NFAT5: variants seen among roughly 807,000 people sequenced by gnomAD.
NFAT5 encodes the protein nuclear factor of activated T-cells 5.
A neutral mutation model predicts 166.5 loss-of-function variants in NFAT5; 31 were observed. The observed-to-expected ratio is 0.19, with a 90% CI of 0.14 to 0.25. The LOEUF is 0.25. NFAT5 is among the 10% of genes least tolerant of loss of function. NFAT5 has a pLI of 1.00. For synonymous variants in NFAT5, 612 were observed against 639.7 expected, an observed-to-expected ratio of 0.96 and a Z score of 0.65; for missense variants, 1,449 against 1,821.8, an observed-to-expected ratio of 0.80 and a Z score of 3.72.
At chr16:69,632,435 C>T (rs1238487542) in intron 3 of NFAT5, 2 of 152,070 alleles carry the variant, frequency 1.3e-5, no homozygotes, top group East Asian at 1.9e-4. Context: ...ATTAGGGAAA[C>T]GCAAGATCCT....
chr16:69,652,119 T>C (rs2035695233), intron 4 of NFAT5, among the ~76,000 whole-genome samples: 1 of 152,204 alleles, frequency 6.6e-6, no homozygotes, highest in African/African-American at 2.4e-5. Context: ...GCATTCCACA[T>C]AGCAAATGCA....
At chr16:69,580,421 C>G (rs2031596807) in intron 2 of NFAT5, among the ~76,000 whole-genome samples, 1 of 151,404 alleles carries the variant, frequency 6.6e-6, no homozygotes, top group African/African-American at 2.4e-5. Context: ...GTCCCAGCTA[C>G]TCAGGAGGCT....
chr16:69,645,461 T>C (rs1400147107), intron 3 of NFAT5, among the ~76,000 whole-genome samples: 2 of 152,236 alleles, frequency 1.3e-5, no homozygotes, highest in Non-Finnish European at 2.9e-5. Context: ...TATTAATTAC[T>C]GTGCTTTTTA....
chr16:69,576,291 CAAAAAA>C (rs35557444), intron 2 of NFAT5, among the ~76,000 whole-genome samples: 2 of 55,282 alleles, frequency 3.6e-5, no homozygotes, highest in Admixed American at 2.0e-4. Context: ...GACTCGGTCT[CAAAAAA>C]AAAAAAAAAA....
intron 10 of NFAT5, among the ~76,000 whole-genome samples, chr16:69,682,843 G>T (rs774161521): frequency 6.6e-6 from 1 of 152,240 alleles, no homozygotes; most frequent in South Asian, 2.1e-4. Context: ...CTCAGGAGAT[G>T]TGTACAGATT....
In NFAT5 at chr16:69,566,259, C is replaced by T. The variant is rs544679513; in HGVS notation, c.-43C>T. On this transcript the variant is annotated 5_prime_UTR_variant, in exon 1 of 15. Transcript: ENST00000349945. The surrounding 1 kb of genome is among the most constrained non-coding windows in gnomAD (Gnocchi z 5.7). ...AGGAGGTGCCGCCGCCACCGCCGCT[C>T]CCCCCCTCCCGCTGCCCTCGGGCCG... 1 of 1,559,794 alleles carries T rather than the reference C, an allele frequency of 6.4e-7. No individual in the cohort carries two copies. The highest frequency in any genetic ancestry group is 1.9e-5 in the Admixed American group (1 of 53,724).
chr16:69,688,228 C>CAAAAAAAAAAA (rs2037406802), intron 11 of NFAT5, among the ~76,000 whole-genome samples: 6 of 102,404 alleles, frequency 5.9e-5, no homozygotes, highest in African/African-American at 2.6e-4. Context: ...AAAAAAAAAC[C>CAAAAAAAAAAA]AGGAGTTTGA....
chr16:69,687,842 C>G (rs1043694918), intron 11 of NFAT5, among the ~76,000 whole-genome samples: 9 of 152,142 alleles, frequency 5.9e-5, no homozygotes, highest in African/African-American at 2.2e-4. Context: ...AAGCCAGGTA[C>G]AGTGGCTAGT....
At chr16:69,584,589 C>T (rs779987354) in intron 2 of NFAT5, among the ~76,000 whole-genome samples, 2 of 151,800 alleles carry the variant, frequency 1.3e-5, no homozygotes, top group Admixed American at 6.6e-5. Context: ...CTCGGCCTCC[C>T]TCGGTCTTGC....
Position 69,695,280 on chromosome 16 carries a change from C to T in NFAT5, c.4559C>T (p.Ala1520Val). 6.2e-7 allele frequency: 1 copy of T among 1,614,166 alleles called. No homozygotes were observed. The highest frequency in any genetic ancestry group is 1.1e-5 in the South Asian group (1 of 91,086). ...SQQMPENSPLASSINTNQNIE... is the reference protein window; with the variant it reads ...SQQMPENSPLVSSINTNQNIE... ...CAAATGCCAGAGAATTCTCCACTGG[C>T]ATCCTCTATAAACACCAACCAGAAC... The change falls in exon 14 of 15, where the codon GCA becomes GTA. Residue 1520 changes from alanine (A) to valine (V), a missense_variant. Ala to Val is a moderately conservative substitution (Grantham distance 64). Coordinates refer to ENST00000349945, the MANE Select transcript of NFAT5 (RefSeq NM_138713.4).
rs537201266 is a variant in NFAT5 at position 69,606,003 on chromosome 16, G to A, written c.128-20400G>A. On this transcript the variant is annotated intron_variant, in intron 2 of 14. Transcript: ENST00000349945. ...GCTGGGATTACAGGCATGAGCCACC[G>A]CGCCCGGCCCCCTTTTTTCTTTTAA... Among the ~76,000 whole-genome samples, 61 of 152,242 alleles carry A rather than the reference G, an allele frequency of 4.0e-4. 1 individual carries two copies. Among genetic ancestry groups the A allele is most frequent in the African/African-American group, 1.2e-3 (49 of 41,550 alleles).
chr16:69,668,561 T>C (rs2036496554), intron 7 of NFAT5, among the ~76,000 whole-genome samples: 1 of 152,248 alleles, frequency 6.6e-6, no homozygotes, highest in African/African-American at 2.4e-5. Context: ...ATATTTTAAA[T>C]AATTTTGTGC....
intron 2 of NFAT5, among the ~76,000 whole-genome samples, chr16:69,585,088 C>T (rs2031958466): frequency 6.6e-6 from 1 of 152,130 alleles, no homozygotes; most frequent in East Asian, 1.9e-4. Context: ...ACCTCTGCCT[C>T]CCGGGTTGAA....
intron 1 of NFAT5, among the ~76,000 whole-genome samples, chr16:69,567,843 A>G (rs1478231587): frequency 4.6e-5 from 7 of 152,238 alleles, no homozygotes; most frequent in Admixed American, 4.6e-4. Flanking sequence ...ATGTGTTAGA[A>G]TTGAGTGCTA....
chr16:69,585,821 A>G (rs2032023197), intron 2 of NFAT5, among the ~76,000 whole-genome samples: 1 of 152,216 alleles, frequency 6.6e-6, no homozygotes, highest in Admixed American at 6.5e-5. Flanking sequence ...AATATTGTCT[A>G]GAAAGTAGAA....
chr16:69,667,494 TAAA>T (rs57015431), intron 7 of NFAT5, among the ~76,000 whole-genome samples: 10 of 125,936 alleles, frequency 7.9e-5, no homozygotes, highest in South Asian at 2.4e-4. Flanking sequence ...TTGCAGAAAC[TAAA>T]AAAAAAAAAA....
At position 69,695,286 on chromosome 16, in the gene NFAT5, C is replaced by T; in HGVS notation, c.4565C>T (p.Ser1522Phe). 6.2e-7 allele frequency: 1 copy of T among 1,614,208 alleles called. No homozygotes were observed. The highest frequency in any genetic ancestry group is 8.5e-7 in the Non-Finnish European group (1 of 1,180,036). The change falls in exon 14 of 15, where the codon TCT becomes TTT. Residue 1522 changes from serine to phenylalanine, a missense_variant. By Grantham distance (155) the Ser-to-Phe change is radical. Coordinates refer to ENST00000349945, the MANE Select transcript of NFAT5 (RefSeq NM_138713.4). ...CCAGAGAATTCTCCACTGGCATCCT[C>T]TATAAACACCAACCAGAACATCGAA... Reference protein sequence around the residue: ...QMPENSPLASSINTNQNIEKI... With the variant: ...QMPENSPLASFINTNQNIEKI...
intron 2 of NFAT5, 99 bp from the exon 3 acceptor site, chr16:69,626,304 C>G: frequency 9.1e-7 from 1 of 1,097,230 alleles, no homozygotes; most frequent in Non-Finnish European, 1.3e-6. Context: ...TAATACAGTT[C>G]TCCTCATGAG....
At chr16:69,624,565 G>A (rs1457080932) in intron 2 of NFAT5, among the ~76,000 whole-genome samples, 1 of 152,104 alleles carries the variant, frequency 6.6e-6, no homozygotes, top group Non-Finnish European at 1.5e-5. Context: ...AATGAAGATC[G>A]TTTAAGAGTA....
Sources: gnomAD v4.1 joint callset for allele counts (sites outside exome capture counted in the v4.1 genomes callset) on GRCh38, gnomAD v4.1.1 for gene constraint, Gnocchi (gnomAD v3.1) non-coding constraint, MANE v1.5 for transcripts, NCBI Gene and HGNC (gene_info 2026-07-23, HGNC 2026-07-21) for gene names.